PRKAA2: variants seen among roughly 807,000 people sequenced by gnomAD.
The protein encoded by PRKAA2 is 5'-AMP-activated protein kinase catalytic subunit alpha-2.
In PRKAA2, 40 loss-of-function variants were observed where a neutral mutation model predicts 56.3. The ratio of observed to expected loss-of-function variants is 0.71; its 90% CI spans 0.55 to 0.92. The LOEUF is 0.92. Among genes scored for constraint, PRKAA2 ranks in the 40% least tolerant of loss-of-function variants. The pLI is 0.00. For synonymous variants in PRKAA2, 214 were observed against 234.2 expected (o/e 0.91, Z 0.79); for missense variants, 542 against 686.9 (o/e 0.79, Z 2.36).
chr1:56,706,214 T>G lies in PRKAA2; in HGVS notation c.1416T>G (p.Ile472Met), dbSNP rs764986574. 1 of 1,612,916 alleles carries G rather than the reference T, an allele frequency of 6.2e-7. No individual in the cohort carries two copies. The highest frequency in any genetic ancestry group is 1.1e-5 in the South Asian group (1 of 90,732). The change falls in exon 8 of 9, where the codon ATT becomes ATG. Residue 472 changes from isoleucine (I) to methionine (M), a missense_variant. Physicochemically the swap from Ile to Met is conservative, Grantham distance 10 (BLOSUM62 1). Around this residue, in one of 5 missense-constraint regions of PRKAA2, gnomAD observed 158 missense variants for 166.1 expected, o/e 0.95. Coordinates refer to ENST00000371244, the MANE Select transcript of PRKAA2 (RefSeq NM_006252.4). ...NRSYLLDFKS[I>M]DDEVVEQRSG... ...GCTATCTTTTGGACTTTAAAAGCAT[T>G]GATGGTAAGGAAGCTATGCATGCAT...
In PRKAA2 at chr1:56,714,279, A is replaced by G. The variant is rs1280300226; in HGVS notation, c.*6566A>G. The G allele has an allele frequency of 6.6e-6, 1 of 152,292 alleles. No individual in the cohort carries two copies. The allele number at this position is 152,292 out of a possible 1,614,324, so 9.4% of individuals were successfully genotyped here. ...TTCCTTTGGCTGCTGAAGCAGCAGCAAGTCACGTAACCTCATTTAGTTTTT... is the reference window on the plus strand; with the variant it reads ...TTCCTTTGGCTGCTGAAGCAGCAGCGAGTCACGTAACCTCATTTAGTTTTT... On this transcript the variant is annotated 3_prime_UTR_variant, in exon 9 of 9. Coordinates refer to ENST00000371244, the MANE Select transcript of PRKAA2 (RefSeq NM_006252.4).
At chr1:56,661,837 C>T (rs1366623193) in intron 1 of PRKAA2, among the ~76,000 whole-genome samples, 1 of 151,880 alleles carries the variant, frequency 6.6e-6, no homozygotes, top group Admixed American at 6.6e-5. Context: ...AGATGCAATA[C>T]TTTTGAATCC....
intron 8 of PRKAA2, among the ~76,000 whole-genome samples, chr1:56,706,453 T>C (rs1644333014): frequency 6.6e-6 from 1 of 152,254 alleles, no homozygotes; most frequent in African/African-American, 2.4e-5. Flanking sequence ...ATTTGAAGTG[T>C]TGGCCGTGGA....
intron 2 of PRKAA2, among the ~76,000 whole-genome samples, chr1:56,678,765 A>G (rs2796499): frequency 0.49 from 72,704 of 149,836 alleles, 17,770 homozygotes; most frequent in East Asian, 0.64. Flanking sequence ...GCATGATCTC[A>G]GCTCACTGCA....
chr1:56,674,567 A>G, intron 2 of PRKAA2, 45 bp downstream of exon 2: 1 of 1,355,214 alleles, frequency 7.4e-7, no homozygotes. Context: ...CACCTATCTT[A>G]AAATGTTTTT....
chr1:56,687,035 C>A (rs1039908037), intron 2 of PRKAA2, among the ~76,000 whole-genome samples: 1 of 152,042 alleles, frequency 6.6e-6, no homozygotes, highest in Non-Finnish European at 1.5e-5. Flanking sequence ...CAGGCATGTG[C>A]CACCACGCCT....
At chr1:56,705,001 C>G (rs146037142) in intron 7 of PRKAA2, among the ~76,000 whole-genome samples, 1,680 of 152,158 alleles carry the variant, frequency 0.011, 10 homozygotes, top group Middle Eastern at 0.031. Flanking sequence ...ACTCTCAGCC[C>G]ACAGTTTGCT....
chr1:56,662,309 G>A (rs947771037), intron 1 of PRKAA2, among the ~76,000 whole-genome samples: 11 of 150,720 alleles, frequency 7.3e-5, no homozygotes, highest in Non-Finnish European at 7.4e-5. Context: ...ATTATATTTG[G>A]GACTATATAT....
chr1:56,689,668 G>A (rs550949560), intron 2 of PRKAA2, among the ~76,000 whole-genome samples: 5 of 152,192 alleles, frequency 3.3e-5, no homozygotes, highest in East Asian at 1.9e-4. Flanking sequence ...GCAGTGAGCC[G>A]AGAGCATGGC....
intron 1 of PRKAA2, among the ~76,000 whole-genome samples, chr1:56,655,441 A>T (rs1643934555): frequency 6.7e-6 from 1 of 149,632 alleles, no homozygotes; most frequent in Admixed American, 6.7e-5. Context: ...GTGTTTGAGT[A>T]TAAGTTGGAA....
chr1:56,704,124 T>G lies in PRKAA2; in HGVS notation c.942T>G (p.Gly314=). 1 of 1,614,184 alleles carries G rather than the reference T, an allele frequency of 6.2e-7. No homozygotes were observed. Among genetic ancestry groups the G allele is most frequent in the Non-Finnish European group, 8.5e-7 (1 of 1,180,014 alleles). ...AAGTAATGAACAGTTTATATAGTGG[T>G]GACCCTCAAGACCAGCTTGCAGTGG... ...ESEVMNSLYS[G]DPQDQLAVAY... is the part of the protein sequence containing the mutation. Residue 314 remains glycine (G), a synonymous_variant, in exon 7 of 9, where the codon GGT becomes GGG. Coordinates refer to ENST00000371244, the MANE Select transcript of PRKAA2 (RefSeq NM_006252.4).
chr1:56,708,903 C>T lies in PRKAA2; in HGVS notation c.*1190C>T, dbSNP rs961683823. 4 of 151,884 alleles carry T rather than the reference C, an allele frequency of 2.6e-5. No homozygotes were observed. Among genetic ancestry groups the T allele is most frequent in the African/African-American group, 9.7e-5 (4 of 41,368 alleles). 9.4% of individuals were successfully genotyped at this position (151,884 alleles called of 1,614,324 possible). A position where few individuals can be genotyped will look rare whatever the true frequency, so the allele number is the denominator to read the frequency against. On this transcript the variant is annotated 3_prime_UTR_variant, in exon 9 of 9. Transcript: ENST00000371244. ...TCTTAAATAAATAAATATATATATT[C>T]ACACACCAGTGCTTTTAAGCAAAAA...
chr1:56,693,166 C>T (rs1335188094), intron 4 of PRKAA2, among the ~76,000 whole-genome samples: 1 of 152,078 alleles, frequency 6.6e-6, no homozygotes, highest in Non-Finnish European at 1.5e-5. Context: ...TGGTCTATAC[C>T]TTGTCTTTAA....
intron 1 of PRKAA2, among the ~76,000 whole-genome samples, chr1:56,657,399 T>C (rs1420197024): frequency 2.0e-5 from 3 of 152,112 alleles, no homozygotes; most frequent in Non-Finnish European, 4.4e-5. Context: ...AAAGGTAAGC[T>C]GGGCGTGGTG....
chr1:56,689,052 G>A (rs968375552), intron 2 of PRKAA2, among the ~76,000 whole-genome samples: 3 of 152,148 alleles, frequency 2.0e-5, no homozygotes, highest in African/African-American at 7.2e-5. Context: ...AAGAATATCT[G>A]TTGAAGACCT....
intron 1 of PRKAA2, among the ~76,000 whole-genome samples, chr1:56,650,168 A>G (rs2100376941): frequency 6.6e-6 from 1 of 152,354 alleles, no homozygotes; most frequent in East Asian, 1.9e-4. Flanking sequence ...GTTAGGGACA[A>G]AAAGCAAAAA....
chr1:56,709,206 T>G lies in PRKAA2; in HGVS notation c.*1493T>G, dbSNP rs1644353574. On this transcript the variant is annotated 3_prime_UTR_variant, in exon 9 of 9. Coordinates refer to ENST00000371244, the MANE Select transcript of PRKAA2 (RefSeq NM_006252.4). ...ACAGGCTTCTCTTTGCCAAAAGTAA[T>G]GTATGTTCTGCCAAGAAGCAAATGA... The G allele has an allele frequency of 6.6e-6, 1 of 152,136 alleles. No individual in the cohort carries two copies. The highest frequency in any genetic ancestry group is 1.5e-5 in the Non-Finnish European group (1 of 68,008). 9.4% of individuals were successfully genotyped at this position (152,136 alleles called of 1,614,324 possible).
rs1170188260 is a variant in PRKAA2, at chr1:56,714,137, T to C, written c.*6424T>C. The C allele has an allele frequency of 6.6e-6, 1 of 152,162 alleles. No individual in the cohort carries two copies. The highest frequency in any genetic ancestry group is 2.4e-5 in the African/African-American group (1 of 41,452). The allele number at this position is 152,162 out of a possible 1,614,324, so 9.4% of individuals were successfully genotyped here. A position where few individuals can be genotyped will look rare whatever the true frequency, so the allele number is the denominator to read the frequency against. The stretch of plus-strand genomic sequence containing the variant: ...TTGGTAAACATAACATTTGGCTACC[T>C]TCTCATGCTTTATAAATGAATTTGA... On this transcript the variant is annotated 3_prime_UTR_variant, in exon 9 of 9. Coordinates refer to ENST00000371244, the MANE Select transcript of PRKAA2 (RefSeq NM_006252.4).
intron 8 of PRKAA2, among the ~76,000 whole-genome samples, chr1:56,707,146 A>G (rs1644337224): frequency 6.6e-6 from 1 of 152,146 alleles, no homozygotes; most frequent in South Asian, 2.1e-4. Context: ...TTTTGTTGAT[A>G]TGCTAGAAGA....
Sources: gnomAD v4.1 joint callset for allele counts (sites outside exome capture counted in the v4.1 genomes callset) on GRCh38, gnomAD v4.1.1 for gene constraint, gnomAD v4.1.1 regional missense constraint, MANE v1.5 for transcripts, NCBI Gene and HGNC (gene_info 2026-07-23, HGNC 2026-07-21) for gene names.